UBE2U: variants seen among roughly 807,000 people sequenced by gnomAD.
UBE2U encodes the protein ubiquitin-conjugating enzyme E2 U.
A neutral mutation model predicts 41.2 loss-of-function variants in UBE2U; 39 were observed. That is an observed-to-expected ratio of 0.95 (90% confidence interval 0.73 to 1.24). The LOEUF (loss-of-function observed/expected upper bound fraction) is 1.24, where lower values mean the gene tolerates loss of function less well. UBE2U is among the 50% of genes most tolerant of loss of function. The pLI, the probability that UBE2U is intolerant of heterozygous loss-of-function variation, is 0.00. For synonymous variants in UBE2U, 107 were observed against 117.8 expected, an observed-to-expected ratio of 0.91 and a Z score of 0.60; for missense variants, 336 against 363.1, an observed-to-expected ratio of 0.93 and a Z score of 0.61.
intron 8 of UBE2U, 28 bp downstream of exon 8, chr1:64,241,761 G>A: frequency 6.6e-7 from 1 of 1,525,664 alleles, no homozygotes; most frequent in Non-Finnish European, 9.0e-7. Flanking sequence ...CCTTGAATGT[G>A]TACATTAACT....
Position 64,232,558 on chromosome 1 carries a change from C to T in UBE2U, c.507-3C>T. ...ATCGTCTGATTTTTATTTATATTTT[C>T]AGACCAATTAAAACAACCTCATTTA... On this transcript the variant is annotated splice_region_variant and splice_polypyrimidine_tract_variant and intron_variant, in intron 6 of 9. Coordinates refer to ENST00000371077, the MANE Select transcript of UBE2U (RefSeq NM_001366232.2). 1 of 1,606,456 alleles carries T rather than the reference C, an allele frequency of 6.2e-7. No individual in the cohort carries two copies. The highest frequency in any genetic ancestry group is 8.5e-7 in the Non-Finnish European group (1 of 1,176,334).
chr1:64,211,657 C>T (rs538842019), intron 4 of UBE2U, among the ~76,000 whole-genome samples: 3 of 152,122 alleles, frequency 2.0e-5, no homozygotes, highest in East Asian at 3.9e-4. Flanking sequence ...CTCAGGTTGG[C>T]CTCAAACTCC....
At chr1:64,236,058 A>G (rs1439248116) in intron 7 of UBE2U, among the ~76,000 whole-genome samples, 2 of 152,150 alleles carry the variant, frequency 1.3e-5, no homozygotes, top group African/African-American at 2.4e-5. Flanking sequence ...CCAGAGTTTC[A>G]TCCTGGGTCT....
intron 7 of UBE2U, among the ~76,000 whole-genome samples, chr1:64,235,152 C>CA (rs902225089): frequency 6.6e-6 from 1 of 152,168 alleles, no homozygotes; most frequent in African/African-American, 2.4e-5. Context: ...GTTTCTTCTT[C>CA]AAAAAGAGTT....
intron 6 of UBE2U, among the ~76,000 whole-genome samples, chr1:64,230,863 C>T (rs1263765438): frequency 6.6e-6 from 1 of 152,126 alleles, no homozygotes; most frequent in Non-Finnish European, 1.5e-5. Context: ...ATGTCTTCTA[C>T]TTTTTTGTAT....
intron 7 of UBE2U, among the ~76,000 whole-genome samples, chr1:64,238,970 A>T (rs980625601): frequency 4.6e-5 from 7 of 151,492 alleles, no homozygotes; most frequent in African/African-American, 1.7e-4. Flanking sequence ...TGAGCTCAGG[A>T]ACTGGAGGTG....
Position 64,216,929 on chromosome 1 carries a change from G to A in UBE2U, c.457+1997G>A, listed in dbSNP as rs370762530. On this transcript the variant is annotated intron_variant, in intron 5 of 9. Coordinates refer to ENST00000371077, the MANE Select transcript of UBE2U (RefSeq NM_001366232.2). ...GGACTCACATACCCCAGACTGCCTG[G>A]GAAAGTCCTGGTATAATTATTCCCA... Among the ~76,000 whole-genome samples, 56 of 152,184 alleles carry A rather than the reference G, an allele frequency of 3.7e-4. 5 individuals are homozygous for A. The South Asian group carries it at 5.0e-3, about 14-fold the overall frequency.
intron 6 of UBE2U, among the ~76,000 whole-genome samples, chr1:64,230,509 T>A (rs1399222413): frequency 6.6e-6 from 1 of 152,156 alleles, no homozygotes; most frequent in Non-Finnish European, 1.5e-5. Context: ...TCCCCCAACA[T>A]CCTCTGTGTG....
intron 7 of UBE2U, among the ~76,000 whole-genome samples, chr1:64,239,157 A>AAGGAAGAAGAAGAAG: frequency 2.7e-5 from 1 of 37,070 alleles, no homozygotes. Context: ...GAAGAAGAAG[A>AAGGAAGAAGAAGAAG]AAGAAGAAGA....
At position 64,246,929 on chromosome 1, in the gene UBE2U, A is replaced by G. The variant is rs185656529; in HGVS notation, c.677+5196A>G. On this transcript the variant is annotated intron_variant, in intron 8 of 9. Coordinates refer to ENST00000371077, the MANE Select transcript of UBE2U (RefSeq NM_001366232.2). ...TTTTTCCTTAAATCAAGCAGGCACC[A>G]TGTCAGACACTGAGGACCTGGGGAT... Among the ~76,000 whole-genome samples the G allele has an allele frequency of 1.8e-4, 27 of 152,282 alleles. No homozygotes were observed. In the East Asian group the frequency reaches 5.2e-3, roughly 29 times the overall value.
chr1:64,266,314 C>T (rs1645253634), intron 9 of UBE2U, among the ~76,000 whole-genome samples: 1 of 152,168 alleles, frequency 6.6e-6, no homozygotes, highest in African/African-American at 2.4e-5. Flanking sequence ...GCCTCCCTTC[C>T]AGCTCCACGA....
intron 6 of UBE2U, among the ~76,000 whole-genome samples, chr1:64,229,807 A>G (rs553202460): frequency 1.3e-5 from 2 of 152,240 alleles, no homozygotes; most frequent in South Asian, 4.1e-4. Flanking sequence ...TCTTTTCAAA[A>G]TACTTACTAA....
intron 8 of UBE2U, chr1:64,244,050 CTGG>C: frequency 1.1e-6 from 1 of 940,182 alleles, no homozygotes; most frequent in Non-Finnish European, 1.7e-6. Flanking sequence ...CAAACAGTAT[CTGG>C]TGCATGGCAA....
At chr1:64,255,141 C>T (rs1410350967) in intron 8 of UBE2U, among the ~76,000 whole-genome samples, 1 of 152,130 alleles carries the variant, frequency 6.6e-6, no homozygotes, top group African/African-American at 2.4e-5. Context: ...ACTATAAACA[C>T]CCCTGTGCAC....
At chr1:64,228,731 C>G (rs560825534) in intron 6 of UBE2U, among the ~76,000 whole-genome samples, 7 of 142,660 alleles carry the variant, frequency 4.9e-5, no homozygotes, top group African/African-American at 1.8e-4. Context: ...GCTCTGTCGC[C>G]CAGGTTGGAG....
chr1:64,250,642 A>G (rs186681238), intron 8 of UBE2U, among the ~76,000 whole-genome samples: 26 of 152,266 alleles, frequency 1.7e-4, no homozygotes, highest in Non-Finnish European at 3.2e-4. Context: ...TATTCACAAT[A>G]GCCAAGACTT....
chr1:64,219,402 C>G (rs1393004779), intron 5 of UBE2U, among the ~76,000 whole-genome samples: 1 of 151,868 alleles, frequency 6.6e-6, no homozygotes, highest in African/African-American at 2.4e-5. Flanking sequence ...TGTATCCTCC[C>G]CTTCCCTGCC....
chr1:64,251,179 A>AAT lies in UBE2U; in HGVS notation c.678-9414_678-9413dup, dbSNP rs546093574. Among the ~76,000 whole-genome samples the AAT allele has an allele frequency of 2.1e-3, 320 of 150,784 alleles. 3 individuals are homozygous for AAT. Among genetic ancestry groups the AAT allele is most frequent in the African/African-American group, 7.4e-3 (307 of 41,262 alleles). ...CAAAAATTTTAGTATATTTAATCTA[A>AAT]ATATATATATAACATATATAATATA... On this transcript the variant is annotated intron_variant, in intron 8 of 9. Coordinates refer to ENST00000371077, the MANE Select transcript of UBE2U (RefSeq NM_001366232.2).
intron 7 of UBE2U, among the ~76,000 whole-genome samples, chr1:64,241,278 A>G (rs1348471622): frequency 1.3e-5 from 2 of 152,114 alleles, no homozygotes; most frequent in African/African-American, 4.8e-5. Context: ...TTAAAGTTTC[A>G]GTTTTATTGC....
Sources: gnomAD v4.1 joint callset for allele counts (sites outside exome capture counted in the v4.1 genomes callset) on GRCh38, gnomAD v4.1.1 for gene constraint, MANE v1.5 for transcripts, NCBI Gene and HGNC (gene_info 2026-07-23, HGNC 2026-07-21) for gene names.